Variants in POLA1 observed in about 807,000 individuals in gnomAD.
The protein encoded by POLA1 is DNA polymerase alpha catalytic subunit.
A neutral mutation model predicts 124.0 loss-of-function variants in POLA1; 15 were observed. That is an observed-to-expected ratio of 0.12 (90% CI 0.08 to 0.19). The LOEUF is 0.19. Ranked by LOEUF, POLA1 falls within the 10% of genes least tolerant of loss-of-function variation. The pLI is 1.00. For missense variants in POLA1, 886 were observed against 1,103.4 expected (o/e 0.80, Z 2.79); for synonymous variants, 408 against 389.4 (o/e 1.05, Z -0.56).
intron 36 of POLA1, among the ~76,000 whole-genome samples, chrX:24,973,595 A>C (rs2048329615): frequency 9.0e-6 from 1 of 111,191 alleles, no homozygotes; most frequent in Non-Finnish European, 1.9e-5. Flanking sequence ...CTGAGTATAC[A>C]GCCTGCAGTA....
chrX:24,848,105 G>A (rs765506579), intron 34 of POLA1, among the ~76,000 whole-genome samples: 2 of 112,049 alleles, frequency 1.8e-5, no homozygotes, highest in Non-Finnish European at 3.8e-5. Flanking sequence ...TAGCCTAAAT[G>A]TACTTTCATT....
At chrX:24,815,626 C>A (rs191092941) in intron 30 of POLA1, among the ~76,000 whole-genome samples, 1 of 111,736 alleles carries the variant, frequency 8.9e-6, no homozygotes, top group Admixed American at 9.5e-5. Flanking sequence ...ATTTGAAAAA[C>A]AGAATCTTGG....
chrX:24,896,144 C>T (rs1208483062), intron 35 of POLA1, among the ~76,000 whole-genome samples: 3 of 111,508 alleles, frequency 2.7e-5, no homozygotes, highest in Non-Finnish European at 5.7e-5. Context: ...AGTTTTGCCC[C>T]CCAGGGAACA....
intron 31 of POLA1, among the ~76,000 whole-genome samples, chrX:24,824,702 C>T (rs1285752581): frequency 9.1e-6 from 1 of 110,391 alleles, no homozygotes; most frequent in South Asian, 3.8e-4. Flanking sequence ...TAGCCATGTT[C>T]GAGCTTAGAT....
intron 26 of POLA1, among the ~76,000 whole-genome samples, chrX:24,760,170 T>A (rs1291410934): frequency 8.9e-6 from 1 of 112,538 alleles, no homozygotes; most frequent in Non-Finnish European, 1.9e-5. Context: ...ATAGTGCTTC[T>A]CTTAAGGAAA....
At chrX:24,704,324 C>T in intron 3 of POLA1, 65 bp from the exon 4 acceptor site, 1 of 833,264 alleles carries the variant, frequency 1.2e-6, no homozygotes, top group Admixed American at 2.3e-5. Context: ...TTTTTTTGGT[C>T]ATGGCTAAAA....
At chrX:24,939,523 A>G (rs754581027) in intron 36 of POLA1, among the ~76,000 whole-genome samples, 1 of 111,869 alleles carries the variant, frequency 8.9e-6, no homozygotes, top group South Asian at 3.8e-4. Flanking sequence ...CACTAATTAC[A>G]AAATCAGGAA....
chrX:24,951,712 GTCTTT>G (rs367794050), intron 36 of POLA1, among the ~76,000 whole-genome samples: 55 of 111,486 alleles, frequency 4.9e-4, no homozygotes, highest in African/African-American at 1.7e-3. Context: ...GTAAATTCAT[GTCTTT>G]TCTTTTCCAT....
intron 34 of POLA1, among the ~76,000 whole-genome samples, chrX:24,857,832 C>G (rs1466502055): frequency 9.0e-6 from 1 of 110,945 alleles, no homozygotes; most frequent in Non-Finnish European, 1.9e-5. Flanking sequence ...TTGTAAAATT[C>G]TTAGATTTAC....
intron 32 of POLA1, among the ~76,000 whole-genome samples, chrX:24,828,507 T>TG (rs1392869646): frequency 8.9e-6 from 1 of 111,863 alleles, no homozygotes; most frequent in Non-Finnish European, 1.9e-5. Flanking sequence ...TGTATAAGCA[T>TG]GGGGGGCTTC....
In POLA1 at chrX:24,836,644, C is replaced by T. The variant is rs889675302; in HGVS notation, c.3737-5008C>T. On this transcript the variant is annotated intron_variant, in intron 32 of 36. Coordinates refer to ENST00000379068, the MANE Select transcript of POLA1 (RefSeq NM_001330360.2). Reference sequence around the variant, plus strand: ...TCTTGGCCATTGGAGTATTTCCTTTCGTGAGGTGCCTGTTCAAGTCTTTGT... The same window carrying T: ...TCTTGGCCATTGGAGTATTTCCTTTTGTGAGGTGCCTGTTCAAGTCTTTGT... Among the ~76,000 whole-genome samples the T allele has an allele frequency of 1.1e-4, 12 of 111,660 alleles. No homozygotes were observed. The Middle Eastern group carries it at 0.014, about 129-fold the overall frequency.
chrX:24,810,250 T>C (rs1240441799), intron 27 of POLA1, among the ~76,000 whole-genome samples: 2 of 111,811 alleles, frequency 1.8e-5, no homozygotes, highest in African/African-American at 3.3e-5. Flanking sequence ...CTTCGTGTTC[T>C]ACTAAATACT....
At chrX:24,885,905 A>C (rs2047059270) in intron 34 of POLA1, among the ~76,000 whole-genome samples, 1 of 112,491 alleles carries the variant, frequency 8.9e-6, no homozygotes, top group Non-Finnish European at 1.9e-5. Context: ...AAACTAAAGT[A>C]CATTATTAAG....
At chrX:24,939,743 C>G (rs1333162807) in intron 36 of POLA1, among the ~76,000 whole-genome samples, 1 of 111,181 alleles carries the variant, frequency 9.0e-6, no homozygotes, top group Non-Finnish European at 1.9e-5. Flanking sequence ...TAGACTTTGT[C>G]CCTTGTGATT....
intron 26 of POLA1, among the ~76,000 whole-genome samples, chrX:24,805,169 C>T (rs933268732): frequency 1.8e-5 from 2 of 110,517 alleles, no homozygotes; most frequent in Non-Finnish European, 3.8e-5. Context: ...TTTCCCCTAA[C>T]GGCACTGTTC....
At chrX:24,765,845 C>G (rs1444985753) in intron 26 of POLA1, among the ~76,000 whole-genome samples, 2 of 111,943 alleles carry the variant, frequency 1.8e-5, no homozygotes, top group Non-Finnish European at 3.8e-5. Context: ...CCAGTTTCCT[C>G]CTTTCCTCTC....
intron 36 of POLA1, among the ~76,000 whole-genome samples, chrX:24,936,984 T>C (rs1373436788): frequency 8.9e-6 from 1 of 112,369 alleles, no homozygotes; most frequent in Non-Finnish European, 1.9e-5. Context: ...CAATTTTCTT[T>C]AGAAAAATAG....
At chrX:24,704,130 G>GACTTTGAA (rs1453422414) in intron 3 of POLA1, among the ~76,000 whole-genome samples, 1 of 111,653 alleles carries the variant, frequency 9.0e-6, no homozygotes, top group African/African-American at 3.3e-5. Context: ...TATTGTGGCA[G>GACTTTGAA]ACTTTGATCC....
At chrX:24,838,945 T>C (rs993069441) in intron 32 of POLA1, among the ~76,000 whole-genome samples, 1 of 106,709 alleles carries the variant, frequency 9.4e-6, no homozygotes, top group Non-Finnish European at 1.9e-5. Context: ...TTGTGAGAAT[T>C]TGGAAAAACT....
Sources: allele counts gnomAD v4.1 joint callset (sites outside exome capture counted in the v4.1 genomes callset), GRCh38; gene constraint gnomAD v4.1.1; transcripts MANE v1.5; gene names NCBI Gene and HGNC (gene_info 2026-07-23, HGNC 2026-07-21).